Variants in SNAP25 observed in about 807,000 individuals in gnomAD.
The protein encoded by SNAP25 is synaptosomal-associated protein 25.
SNAP25 carries 3 observed loss-of-function variants against 28.7 expected under a neutral mutation model. The observed-to-expected ratio is 0.10, with a 90% CI of 0.05 to 0.27. SNAP25 has a LOEUF of 0.27. SNAP25 is among the 10% of genes least tolerant of loss of function. The probability of loss-of-function intolerance (pLI) is 1.00; values close to 1 mark genes in which losing one functional copy is unlikely to be tolerated. For missense variants in SNAP25, 117 were observed against 278.7 expected, an observed-to-expected ratio of 0.42 and a Z score of 4.13; for synonymous variants, 61 against 88.1, an observed-to-expected ratio of 0.69 and a Z score of 1.72.
At chr20:10,273,741 G>C (rs1273421519) in intron 1 of SNAP25, among the ~76,000 whole-genome samples, 1 of 152,212 alleles carries the variant, frequency 6.6e-6, no homozygotes, top group African/African-American at 2.4e-5. Flanking sequence ...ATTTCCCAGA[G>C]ATCATGCTCT....
intron 1 of SNAP25, among the ~76,000 whole-genome samples, chr20:10,247,503 G>A (rs1478887796): frequency 6.6e-6 from 1 of 152,206 alleles, no homozygotes; most frequent in Non-Finnish European, 1.5e-5. Flanking sequence ...ATCATTGGTT[G>A]TTCCTGAGAT....
intron 7 of SNAP25, among the ~76,000 whole-genome samples, chr20:10,303,774 T>C (rs542269491): frequency 6.6e-6 from 1 of 152,316 alleles, no homozygotes; most frequent in South Asian, 2.1e-4. Context: ...TCATTCATTT[T>C]CTGGAATTTA....
intron 4 of SNAP25, among the ~76,000 whole-genome samples, chr20:10,292,138 G>T (rs2064011130): frequency 6.6e-6 from 1 of 152,130 alleles, no homozygotes; most frequent in Non-Finnish European, 1.5e-5. Flanking sequence ...CCTGGGCTTG[G>T]AGCATGACCC....
rs180953136 is a variant in SNAP25 at position 10,265,200 on chromosome 20, A to T, written c.-63-10229A>T. Among the ~76,000 whole-genome samples the T allele has an allele frequency of 2.8e-4, 43 of 152,346 alleles. 1 individual carries two copies. In the East Asian group the frequency reaches 6.4e-3, roughly 23 times the overall value. ...GAGATTGAATTTCATGCACAGGAATATTCAAAAATACAATAACAAGGAGCC... is the reference window on the plus strand; with the variant it reads ...GAGATTGAATTTCATGCACAGGAATTTTCAAAAATACAATAACAAGGAGCC... On this transcript the variant is annotated intron_variant, in intron 1 of 7. Coordinates refer to ENST00000254976, the MANE Select transcript of SNAP25 (RefSeq NM_130811.4).
At position 10,232,320 on chromosome 20, in the gene SNAP25, A is replaced by G. The variant is rs530789054; in HGVS notation, c.-64+13343A>G. ...ATAGCTTGGGCCAAGTGCTCAATCA[A>G]TTGTGGGTGTGGAGTGGCATGGAGG... On this transcript the variant is annotated intron_variant, in intron 1 of 7. Coordinates refer to ENST00000254976, the MANE Select transcript of SNAP25 (RefSeq NM_130811.4). 7.2e-5 allele frequency among the ~76,000 whole-genome samples: 11 copies of G among 152,344 alleles called. 1 individual carries two copies. Among genetic ancestry groups the G allele is most frequent in the Admixed American group, 5.2e-4 (8 of 15,300 alleles).
rs552506793 is a variant in SNAP25 at position 10,223,302 on chromosome 20, G to A, written c.-64+4325G>A. On this transcript the variant is annotated intron_variant, in intron 1 of 7. Transcript: ENST00000254976. ...CCTTGTGGTTACTACTCTCACAGAA[G>A]AGCTTCAAAAATCCAAATGCTGACA... Among the ~76,000 whole-genome samples, 4 of 152,248 alleles carry A rather than the reference G, an allele frequency of 2.6e-5. No homozygotes were observed. In the South Asian group the frequency reaches 8.3e-4, roughly 32 times the overall value.
chr20:10,230,420 T>G (rs1755647493), intron 1 of SNAP25, among the ~76,000 whole-genome samples: 1 of 152,156 alleles, frequency 6.6e-6, no homozygotes, highest in South Asian at 2.1e-4. Context: ...GAGTTTGAAT[T>G]TAAGATCTCA....
At chr20:10,253,407 C>T (rs2122827006) in intron 1 of SNAP25, among the ~76,000 whole-genome samples, 1 of 152,284 alleles carries the variant, frequency 6.6e-6, no homozygotes, top group Non-Finnish European at 1.5e-5. Flanking sequence ...CACTTACTAG[C>T]TATGTGACTC....
chr20:10,220,211 G>T (rs1024408711), intron 1 of SNAP25, among the ~76,000 whole-genome samples: 1 of 152,142 alleles, frequency 6.6e-6, no homozygotes, highest in African/African-American at 2.4e-5. Context: ...CTTTAAGAAT[G>T]AATCACTCTT....
intron 1 of SNAP25, among the ~76,000 whole-genome samples, chr20:10,275,078 T>TA (rs2063666488): frequency 8.7e-6 from 1 of 114,302 alleles, no homozygotes; most frequent in Non-Finnish European, 2.0e-5. Context: ...TTTAAATAAA[T>TA]AAATAAATAA....
intron 1 of SNAP25, among the ~76,000 whole-genome samples, chr20:10,236,788 A>C (rs1600657756): frequency 6.6e-6 from 1 of 151,824 alleles, no homozygotes; most frequent in African/African-American, 2.4e-5. Flanking sequence ...CGGCTGACTC[A>C]CCCAGCTGCC....
At chr20:10,271,335 T>C (rs2063587559) in intron 1 of SNAP25, among the ~76,000 whole-genome samples, 2 of 152,304 alleles carry the variant, frequency 1.3e-5, no homozygotes, top group East Asian at 1.9e-4. Flanking sequence ...GCAGTAAACA[T>C]CCCAACAGAA....
intron 1 of SNAP25, among the ~76,000 whole-genome samples, chr20:10,252,188 C>T (rs1038153512): frequency 1.2e-4 from 19 of 152,186 alleles, no homozygotes; most frequent in African/African-American, 4.3e-4. Flanking sequence ...ATGAATATCA[C>T]ATGAATGTAT....
chr20:10,250,354 G>A lies in SNAP25; in HGVS notation c.-63-25075G>A, dbSNP rs543980289. ...TATGGCTTCATGATTTCCTGTTCAGGAGACTTTAATCACCTTCCATCTGCT... is the reference window on the plus strand; with the variant it reads ...TATGGCTTCATGATTTCCTGTTCAGAAGACTTTAATCACCTTCCATCTGCT... On this transcript the variant is annotated intron_variant, in intron 1 of 7. Transcript: ENST00000254976. 1.8e-3 allele frequency among the ~76,000 whole-genome samples: 269 copies of A among 152,248 alleles called. 1 individual carries two copies. The highest frequency in any genetic ancestry group is 3.4e-3 in the Middle Eastern group (1 of 294).
intron 1 of SNAP25, among the ~76,000 whole-genome samples, chr20:10,241,451 G>A (rs2063031456): frequency 1.3e-5 from 2 of 152,032 alleles, no homozygotes; most frequent in South Asian, 4.1e-4. Flanking sequence ...GTAAACAGGG[G>A]TGAACATGCC....
chr20:10,299,386 C>T lies in SNAP25; in HGVS notation c.526C>T (p.Arg176Cys), dbSNP rs1481810638. 3 of 1,613,734 alleles carry T rather than the reference C, an allele frequency of 1.9e-6. No individual in the cohort carries two copies. The highest frequency in any genetic ancestry group is 1.1e-5 in the South Asian group (1 of 91,036). ...GGGCAATGAGATCGATACACAGAAT[C>T]GCCAGATCGACAGGATCATGGAGAA... is the stretch of plus-strand genomic sequence containing the variant. Reference protein sequence around the residue: ...DMGNEIDTQNRQIDRIMEKAD... With the variant: ...DMGNEIDTQNCQIDRIMEKAD... Residue 176 changes from arginine to cysteine, a missense_variant, in exon 7 of 8, where the codon CGC becomes TGC. Arg to Cys is a radical substitution (Grantham distance 180). Coordinates refer to ENST00000254976, the MANE Select transcript of SNAP25 (RefSeq NM_130811.4).
intron 1 of SNAP25, among the ~76,000 whole-genome samples, chr20:10,251,397 G>T (rs2063224401): frequency 6.6e-6 from 1 of 152,206 alleles, no homozygotes; most frequent in African/African-American, 2.4e-5. Flanking sequence ...CAAGCTGCCA[G>T]CCTACTCCAG....
intron 1 of SNAP25, among the ~76,000 whole-genome samples, chr20:10,222,373 A>G (rs1256921882): frequency 6.6e-6 from 1 of 152,228 alleles, no homozygotes; most frequent in Non-Finnish European, 1.5e-5. Context: ...CTGAGAGAAG[A>G]GGCAGGCCTT....
In SNAP25 at chr20:10,233,521, C is replaced by CA. The variant is rs534088134; in HGVS notation, c.-64+14550dup. Among the ~76,000 whole-genome samples the CA allele has an allele frequency of 2.2e-4, 33 of 152,226 alleles. No homozygotes were observed. The South Asian group carries it at 5.8e-3, about 27-fold the overall frequency. ...CCAAAACCCATCGTTCCATCAATCA[C>CA]AAAAAAGGCCCAGTGTAAAGCTGAG... On this transcript the variant is annotated intron_variant, in intron 1 of 7. Coordinates refer to ENST00000254976, the MANE Select transcript of SNAP25 (RefSeq NM_130811.4).
Sources: gnomAD v4.1 joint callset for allele counts (sites outside exome capture counted in the v4.1 genomes callset) on GRCh38, gnomAD v4.1.1 for gene constraint, MANE v1.5 for transcripts, NCBI Gene and HGNC (gene_info 2026-07-23, HGNC 2026-07-21) for gene names.